RYR3: variants seen among roughly 807,000 people sequenced by gnomAD.
The protein encoded by RYR3 is ryanodine receptor 3, also known as brain ryanodine receptor-calcium release channel.
RYR3 carries 207 observed loss-of-function variants against 584.3 expected under a neutral mutation model. That is an observed-to-expected ratio of 0.35 (90% CI 0.32 to 0.40). The LOEUF is 0.40. Ranked by LOEUF, RYR3 falls within the 10% of genes least tolerant of loss-of-function variation. RYR3 has a pLI of 1.00. For missense variants in RYR3, 5,616 were observed against 6,089.2 expected, an observed-to-expected ratio of 0.92 and a Z score of 2.59; for synonymous variants, 2,416 against 2,248.5, an observed-to-expected ratio of 1.07 and a Z score of -2.11.
At chr15:33,840,719 A>G in intron 89 of RYR3, 106 bp from the exon 90 acceptor site, 1 of 935,120 alleles carries the variant, frequency 1.1e-6, no homozygotes, top group Non-Finnish European at 1.7e-6. Flanking sequence ...AGAAACATGA[A>G]AAGCCATTGA....
intron 90 of RYR3, 46 bp from the exon 91 acceptor site, chr15:33,841,818 A>G: frequency 6.5e-7 from 1 of 1,545,004 alleles, no homozygotes; most frequent in South Asian, 1.2e-5. Flanking sequence ...TTTGGGCCAG[A>G]CCGCCCTCCC....
At chr15:33,651,784 A>T (rs1029131649) in intron 31 of RYR3, among the ~76,000 whole-genome samples, 1 of 152,244 alleles carries the variant, frequency 6.6e-6, no homozygotes, top group Non-Finnish European at 1.5e-5. Flanking sequence ...TGCATCAGGT[A>T]TAGCATCACC....
chr15:33,584,156 T>G (rs2058727324), intron 14 of RYR3, among the ~76,000 whole-genome samples: 1 of 152,018 alleles, frequency 6.6e-6, no homozygotes, highest in South Asian at 2.1e-4. Flanking sequence ...GAGGATCACT[T>G]AAGCCCAGGA....
chr15:33,794,258 C>T (rs1408634150), intron 67 of RYR3, among the ~76,000 whole-genome samples: 1 of 60,656 alleles, frequency 1.6e-5, no homozygotes, highest in Non-Finnish European at 3.8e-5. Context: ...AAAATGAGTA[C>T]AATTTCCCAT....
At chr15:33,761,265 G>A (rs919354755) in intron 60 of RYR3, among the ~76,000 whole-genome samples, 7 of 152,104 alleles carry the variant, frequency 4.6e-5, no homozygotes, top group African/African-American at 1.4e-4. Context: ...GAGCAGAAAT[G>A]AAGGAGATAG....
chr15:33,755,281 T>C (rs543227187), intron 58 of RYR3, 101 bp downstream of exon 58: 6 of 760,522 alleles, frequency 7.9e-6, no homozygotes, highest in Non-Finnish European at 1.3e-5. Context: ...AGGTGCATGA[T>C]TTTAGGGGGA....
chr15:33,369,246 G>C (rs916306940), intron 1 of RYR3, among the ~76,000 whole-genome samples: 1 of 152,136 alleles, frequency 6.6e-6, no homozygotes, highest in Non-Finnish European at 1.5e-5. Flanking sequence ...ACTGCACTCT[G>C]TTGTCCTAAC....
chr15:33,658,762 GC>G (rs2062969623), intron 32 of RYR3, among the ~76,000 whole-genome samples: 1 of 152,204 alleles, frequency 6.6e-6, no homozygotes, highest in African/African-American at 2.4e-5. Flanking sequence ...ATCAAAGGGA[GC>G]AAGTAATACC....
chr15:33,652,149 G>A (rs1278756530), intron 31 of RYR3, among the ~76,000 whole-genome samples: 1 of 152,156 alleles, frequency 6.6e-6, no homozygotes. Context: ...GAACTCCAAG[G>A]CATGGGGAAG....
intron 12 of RYR3, among the ~76,000 whole-genome samples, chr15:33,574,783 G>A (rs2152503682): frequency 6.6e-6 from 1 of 152,130 alleles, no homozygotes; most frequent in South Asian, 2.1e-4. Context: ...TTAGAAATTG[G>A]CCATCAAGAA....
In RYR3 at chr15:33,311,604, C is replaced by CA. The variant is rs1208955520; in HGVS notation, c.51+509dup. The stretch of plus-strand genomic sequence containing the variant: ...GGGAGCCGGGTCGGAGAAGCGGGCG[C>CA]AGGCGCTTGGTCCTAGCCCTGGGAT... On this transcript the variant is annotated intron_variant, in intron 1 of 103. Coordinates refer to ENST00000634891, the MANE Select transcript of RYR3 (RefSeq NM_001036.6). This position sits in a 1 kb window ranked among gnomAD's most constrained non-coding sequence, Gnocchi z 4.4. Among the ~76,000 whole-genome samples the CA allele has an allele frequency of 1.3e-5, 2 of 152,180 alleles. No homozygotes were observed. Among genetic ancestry groups the CA allele is most frequent in the African/African-American group, 4.8e-5 (2 of 41,450 alleles).
intron 8 of RYR3, among the ~76,000 whole-genome samples, chr15:33,546,174 C>T (rs544441629): frequency 6.6e-6 from 1 of 152,128 alleles, no homozygotes; most frequent in Non-Finnish European, 1.5e-5. Context: ...GTGGGAAGAA[C>T]AAACCTTCAC....
chr15:33,788,172 A>G, intron 66 of RYR3, 46 bp from the exon 67 acceptor site: 1 of 1,608,604 alleles, frequency 6.2e-7, no homozygotes, highest in Non-Finnish European at 8.5e-7. Context: ...ATTTTCATCA[A>G]TTGCCATAAT....
chr15:33,584,678 C>T (rs1386356407), intron 15 of RYR3, among the ~76,000 whole-genome samples, 188 bp downstream of exon 15: 1 of 152,046 alleles, frequency 6.6e-6, no homozygotes, highest in Non-Finnish European at 1.5e-5. Flanking sequence ...CAACTCTAAC[C>T]CAGACTTCAA....
In RYR3 at chr15:33,837,819, G is replaced by T; in HGVS notation, c.11839G>T (p.Ala3947Ser). The stretch of plus-strand genomic sequence containing the variant: ...TATCTCCAAAAAAGAATTCCAGAAG[G>T]CCATGGAAGGGCAAAAACAGTACAC... ...GIISKKEFQK[A>S]MEGQKQYTQS... is the part of the protein sequence containing the mutation. The change falls in exon 89 of 104, where the codon GCC becomes TCC. Residue 3947 changes from alanine to serine, a missense_variant. Transcript: ENST00000634891. The T allele has an allele frequency of 1.9e-6, 3 of 1,613,968 alleles. No homozygotes were observed. Among genetic ancestry groups the T allele is most frequent in the Non-Finnish European group, 2.5e-6 (3 of 1,179,886 alleles).
intron 1 of RYR3, among the ~76,000 whole-genome samples, chr15:33,389,150 C>T (rs996454166): frequency 6.6e-6 from 1 of 151,468 alleles, no homozygotes; most frequent in African/African-American, 2.4e-5. Context: ...ATGGGTGCAG[C>T]ACACCAACAT....
At chr15:33,578,636 T>G (rs1567581190) in intron 12 of RYR3, among the ~76,000 whole-genome samples, 1 of 151,804 alleles carries the variant, frequency 6.6e-6, no homozygotes. Context: ...AGGCAGAGCA[T>G]CAGGAAAAAT....
intron 11 of RYR3, among the ~76,000 whole-genome samples, chr15:33,566,476 T>C (rs1005380346): frequency 7.9e-5 from 12 of 152,230 alleles, no homozygotes; most frequent in African/African-American, 2.9e-4. Context: ...ATCAAAGCGC[T>C]GTGTCTAAGG....
intron 1 of RYR3, among the ~76,000 whole-genome samples, chr15:33,336,464 GAGAGAGAGAGAGAGAGAGAGAGAA>G (rs1971034103): frequency 1.2e-4 from 2 of 17,188 alleles, no homozygotes; most frequent in African/African-American, 1.5e-3. Context: ...GAGAGAGAGA[GAGAGAGAGAGAGAGAGAGAGAGAA>G]AGAAAGAAAG....
Sources: allele counts gnomAD v4.1 joint callset (sites outside exome capture counted in the v4.1 genomes callset), GRCh38; gene constraint gnomAD v4.1.1; non-coding constraint Gnocchi (gnomAD v3.1); transcripts MANE v1.5; gene names NCBI Gene and HGNC (gene_info 2026-07-23, HGNC 2026-07-21).